Variants in SRRM4 observed in about 807,000 individuals in gnomAD.
SRRM4 encodes serine/arginine repetitive matrix 4.
In SRRM4, 33 loss-of-function variants were observed where a neutral mutation model predicts 68.9. The observed-to-expected ratio is 0.48, with a 90% CI of 0.36 to 0.64. The LOEUF is 0.64. SRRM4 is among the 30% of genes least tolerant of loss of function. The pLI is 0.00. For missense variants in SRRM4, 817 were observed against 827.1 expected, an observed-to-expected ratio of 0.99 and a Z score of 0.15; for synonymous variants, 318 against 318.8, an observed-to-expected ratio of 1.00 and a Z score of 0.03.
At chr12:119,096,713 C>T (rs1954047595) in intron 1 of SRRM4, among the ~76,000 whole-genome samples, 1 of 152,188 alleles carries the variant, frequency 6.6e-6, no homozygotes, top group Non-Finnish European at 1.5e-5. Context: ...TCCCGCTCCA[C>T]CATTGTTGGT....
intron 1 of SRRM4, among the ~76,000 whole-genome samples, chr12:119,028,400 C>A (rs1953562981): frequency 6.6e-6 from 1 of 152,070 alleles, no homozygotes; most frequent in Admixed American, 6.5e-5. Context: ...TCGTGCTAGT[C>A]TCATGATAGT....
At chr12:119,033,447 C>T (rs1406606155) in intron 1 of SRRM4, among the ~76,000 whole-genome samples, 1 of 152,110 alleles carries the variant, frequency 6.6e-6, no homozygotes, top group Non-Finnish European at 1.5e-5. Context: ...GGGCAGATCA[C>T]GAGGTCAAGA....
intron 1 of SRRM4, among the ~76,000 whole-genome samples, chr12:119,005,221 G>A (rs1953409060): frequency 6.6e-6 from 1 of 152,184 alleles, no homozygotes; most frequent in South Asian, 2.1e-4. Flanking sequence ...CCCTGGAGAG[G>A]ATGGATTCTA....
At chr12:119,061,866 C>T (rs1246720712) in intron 1 of SRRM4, among the ~76,000 whole-genome samples, 1 of 151,886 alleles carries the variant, frequency 6.6e-6, no homozygotes, top group Non-Finnish European at 1.5e-5. Flanking sequence ...GTTGTGACAA[C>T]CAAAAGTGTC....
chr12:118,987,820 G>T (rs11069217), intron 1 of SRRM4, among the ~76,000 whole-genome samples: 1 of 152,058 alleles, frequency 6.6e-6, no homozygotes, highest in Non-Finnish European at 1.5e-5. Flanking sequence ...CCTCTAGTGA[G>T]GGCCTCAGAG....
intron 12 of SRRM4, 31 bp from the exon 13 acceptor site, chr12:119,156,464 C>G (rs771516691): frequency 1.7e-5 from 26 of 1,557,404 alleles, no homozygotes; most frequent in South Asian, 6.1e-5. Context: ...GAGGGGCCGG[C>G]CCTCATCCCT....
intron 1 of SRRM4, chr12:119,001,216 G>A (rs1788211285): frequency 6.6e-6 from 1 of 152,282 alleles, no homozygotes; most frequent in Non-Finnish European, 1.5e-5. Context: ...ATGTGACATG[G>A]TGGTGCAGCT....
intron 1 of SRRM4, among the ~76,000 whole-genome samples, chr12:119,087,404 C>G (rs546299160): frequency 4.1e-4 from 63 of 152,324 alleles, no homozygotes; most frequent in African/African-American, 1.5e-3. Context: ...GAAACAGGGC[C>G]TTTTGCCTGC....
intron 1 of SRRM4, among the ~76,000 whole-genome samples, chr12:119,063,074 G>A (rs745426007): frequency 1.3e-5 from 2 of 152,116 alleles, no homozygotes; most frequent in Non-Finnish European, 2.9e-5. Flanking sequence ...AACTTCAATG[G>A]TTTACGTTAT....
chr12:119,072,346 C>T (rs1253619218), intron 1 of SRRM4, among the ~76,000 whole-genome samples: 1 of 152,112 alleles, frequency 6.6e-6, no homozygotes, highest in Non-Finnish European at 1.5e-5. Flanking sequence ...AAAAATAGCC[C>T]CTTCCTCTCT....
In SRRM4 at chr12:119,109,333, C is replaced by T. The variant is rs1052446247; in HGVS notation, c.279-4945C>T. Among the ~76,000 whole-genome samples, 21 of 152,006 alleles carry T rather than the reference C, an allele frequency of 1.4e-4. 1 individual carries two copies. The highest frequency in any genetic ancestry group is 9.2e-4 in the Admixed American group (14 of 15,250). ...GCTCTTCTTGAGGAGTATCTTGTGG[C>T]GTTCTCTGTATTTCCTGAATTTGAA... On this transcript the variant is annotated intron_variant, in intron 2 of 12. Coordinates refer to ENST00000267260, the MANE Select transcript of SRRM4 (RefSeq NM_194286.4).
Position 119,004,962 on chromosome 12 carries a change from G to T in SRRM4, c.131+22949G>T, listed in dbSNP as rs1953407203. Among the ~76,000 whole-genome samples the T allele has an allele frequency of 2.6e-5, 4 of 152,180 alleles. No individual in the cohort carries two copies. The South Asian group carries it at 8.3e-4, about 32-fold the overall frequency. Reference sequence around the variant, plus strand: ...CACTGTATTTCAGGGGCACCCAACTGGTTCACCCAGAGAAGATTAAAACAG... The same window carrying T: ...CACTGTATTTCAGGGGCACCCAACTTGTTCACCCAGAGAAGATTAAAACAG... On this transcript the variant is annotated intron_variant, in intron 1 of 12. Transcript: ENST00000267260.
chr12:118,982,679 G>GTTTTTTTTT (rs370087102), intron 1 of SRRM4, among the ~76,000 whole-genome samples: 1 of 102,140 alleles, frequency 9.8e-6, no homozygotes, highest in African/African-American at 3.3e-5. Flanking sequence ...GTTTTTTTTT[G>GTTTTTTTTT]TTTTTTTTTT....
chr12:119,122,926 A>G (rs1954231967), intron 6 of SRRM4, among the ~76,000 whole-genome samples: 1 of 152,144 alleles, frequency 6.6e-6, no homozygotes. Context: ...GCTGTTTCAC[A>G]GTTTATAGCT....
At chr12:119,133,196 A>C (rs1036396649) in intron 8 of SRRM4, 5 of 152,238 alleles carry the variant, frequency 3.3e-5, no homozygotes. Context: ...ATGAGAATTC[A>C]ATGACACAAT....
Position 119,145,489 on chromosome 12 carries a change from C to A in SRRM4, c.880C>A (p.Pro294Thr), listed in dbSNP as rs200604372. ...CGACTCAGGAAATGACACGTCCTCG[C>A]CACCCTCCACGCAAACCAGCTCAGC... ...EYDSGNDTSS[P>T]PSTQTSSARS... is the part of the protein sequence containing the mutation. Residue 294 changes from proline to threonine, a missense_variant, in exon 9 of 13, where the codon CCA becomes ACA. By Grantham distance (38) the Pro-to-Thr change is conservative. Transcript: ENST00000267260. The A allele has an allele frequency of 2.1e-5, 34 of 1,610,632 alleles. No individual in the cohort carries two copies. The Middle Eastern group carries it at 5.0e-4, about 23-fold the overall frequency.
In SRRM4 at chr12:119,154,148, G is replaced by A; in HGVS notation, c.1392-95G>A. ...TGCAGACCCCATCCCGTGACCCAGT[G>A]GGGTGGGAAAGAAAGGGAGTGTCCC... On this transcript the variant is annotated intron_variant, in intron 11 of 12. Transcript: ENST00000267260. This position sits in a 1 kb window ranked among gnomAD's most constrained non-coding sequence, Gnocchi z 4.7. The A allele has an allele frequency of 8.4e-7, 1 of 1,189,860 alleles. No homozygotes were observed. Among genetic ancestry groups the A allele is most frequent in the Non-Finnish European group, 1.2e-6 (1 of 834,478 alleles). 73.7% of individuals were successfully genotyped at this position (1,189,860 alleles called of 1,614,324 possible). A position where few individuals can be genotyped will look rare whatever the true frequency, so the allele number is the denominator to read the frequency against.
At chr12:119,001,842 G>A (rs1004717556) in intron 1 of SRRM4, 4 of 152,142 alleles carry the variant, frequency 2.6e-5, no homozygotes, top group East Asian at 1.9e-4. Flanking sequence ...AATTAACCAG[G>A]TGTGATGGCT....
intron 1 of SRRM4, among the ~76,000 whole-genome samples, chr12:119,035,130 C>A (rs1344739676): frequency 6.6e-6 from 1 of 151,940 alleles, no homozygotes; most frequent in African/African-American, 2.4e-5. Context: ...AAAAAATTAA[C>A]CCTTGCATTT....
Sources: gnomAD v4.1 joint callset for allele counts (sites outside exome capture counted in the v4.1 genomes callset) on GRCh38, gnomAD v4.1.1 for gene constraint, Gnocchi (gnomAD v3.1) non-coding constraint, MANE v1.5 for transcripts, NCBI Gene and HGNC (gene_info 2026-07-23, HGNC 2026-07-21) for gene names.